KDM4C: variants seen among roughly 807,000 people sequenced by gnomAD.
KDM4C encodes lysine-specific demethylase 4C.
A neutral mutation model predicts 129.3 loss-of-function variants in KDM4C; 81 were observed. The ratio of observed to expected loss-of-function variants is 0.63; its 90% confidence interval spans 0.52 to 0.75. The LOEUF (loss-of-function observed/expected upper bound fraction) is 0.75. Among genes scored for constraint, KDM4C ranks in the 30% least tolerant of loss-of-function variants. The pLI, the probability that KDM4C is intolerant of heterozygous loss-of-function variation, is 0.00. For synonymous variants in KDM4C, 573 were observed against 456.1 expected, an observed-to-expected ratio of 1.26 and a Z score of -3.26; for missense variants, 1,457 against 1,304.0, an observed-to-expected ratio of 1.12 and a Z score of -1.81.
At chr9:6,962,656 GAAA>G (rs1055964269) in intron 8 of KDM4C, among the ~76,000 whole-genome samples, 1 of 150,334 alleles carries the variant, frequency 6.7e-6, no homozygotes, top group African/African-American at 2.4e-5. Flanking sequence ...CATTAGTAGA[GAAA>G]AAAAAAGACA....
chr9:7,005,306 A>G lies in KDM4C; in HGVS notation c.1787-6392A>G, dbSNP rs888104862. ...CAAAGTTAGCCGGGCGTGGTGGCGCATGCCTGTAATCCCAGCTACTCGGGA... is the reference window on the plus strand; with the variant it reads ...CAAAGTTAGCCGGGCGTGGTGGCGCGTGCCTGTAATCCCAGCTACTCGGGA... On this transcript the variant is annotated intron_variant, in intron 12 of 21. Coordinates refer to ENST00000381309, the MANE Select transcript of KDM4C (RefSeq NM_015061.6). 3.9e-5 allele frequency among the ~76,000 whole-genome samples: 6 copies of G among 152,076 alleles called. No individual in the cohort carries two copies. In the East Asian group the frequency reaches 9.7e-4, roughly 25 times the overall value.
chr9:6,848,736 A>G (rs966925771), intron 4 of KDM4C, among the ~76,000 whole-genome samples: 5 of 152,114 alleles, frequency 3.3e-5, no homozygotes, highest in Non-Finnish European at 5.9e-5. Flanking sequence ...CTTAACTCTT[A>G]TAGTAGTGAC....
intron 19 of KDM4C, among the ~76,000 whole-genome samples, chr9:7,157,835 G>A (rs545995727): frequency 1.3e-5 from 2 of 152,232 alleles, no homozygotes; most frequent in South Asian, 4.1e-4. Context: ...TTGTGTCTCT[G>A]CCAGGCTTTG....
chr9:7,101,923 A>G (rs1251027328), intron 17 of KDM4C, among the ~76,000 whole-genome samples: 3 of 152,198 alleles, frequency 2.0e-5, no homozygotes, highest in South Asian at 2.1e-4. Flanking sequence ...TTGCTTTTGT[A>G]TCTGCCATCA....
chr9:6,924,948 G>T (rs1476936434), intron 8 of KDM4C: 9 of 985,020 alleles, frequency 9.1e-6, no homozygotes, highest in East Asian at 2.3e-4. Context: ...TCTGACAGTG[G>T]TTATTTTAAA....
chr9:7,164,599 T>C (rs1844172999), intron 19 of KDM4C, among the ~76,000 whole-genome samples: 1 of 152,108 alleles, frequency 6.6e-6, no homozygotes, highest in Admixed American at 6.6e-5. Flanking sequence ...CCCACCCAGC[T>C]CCACCCGCCG....
chr9:6,822,815 C>G lies in KDM4C; in HGVS notation c.435+8070C>G, dbSNP rs142707274. 2.0e-5 allele frequency among the ~76,000 whole-genome samples: 3 copies of G among 152,358 alleles called. No individual in the cohort carries two copies. The East Asian group carries it at 5.8e-4, about 29-fold the overall frequency. ...AGTCAGCAGATGTCTGTAGAAAAGA[C>G]AGAAGGTATAACATTGCTGAGATGG... On this transcript the variant is annotated intron_variant, in intron 4 of 21. Coordinates refer to ENST00000381309, the MANE Select transcript of KDM4C (RefSeq NM_015061.6).
intron 8 of KDM4C, among the ~76,000 whole-genome samples, chr9:6,966,692 G>A (rs572283221): frequency 1.5e-4 from 23 of 152,102 alleles, no homozygotes; most frequent in African/African-American, 4.6e-4. Context: ...ATGGTATTTA[G>A]TTTTTTGTCA....
At chr9:6,729,928 GGC>G (rs1490651954) in intron 1 of KDM4C, among the ~76,000 whole-genome samples, 3 of 133,750 alleles carry the variant, frequency 2.2e-5, no homozygotes, top group African/African-American at 3.2e-5. Context: ...TGGCCAACAT[GGC>G]GAAAATTAAT....
At chr9:6,910,258 C>T (rs1001138695) in intron 8 of KDM4C, among the ~76,000 whole-genome samples, 12 of 151,974 alleles carry the variant, frequency 7.9e-5, no homozygotes, top group African/African-American at 1.9e-4. Context: ...AAAGAAATTC[C>T]CATTTGTAAT....
At chr9:6,739,308 G>A (rs1354100756) in intron 1 of KDM4C, among the ~76,000 whole-genome samples, 5 of 151,780 alleles carry the variant, frequency 3.3e-5, no homozygotes, top group African/African-American at 1.2e-4. Flanking sequence ...CCTGTCCTCA[G>A]GTGACCTGTC....
At chr9:7,052,909 G>GCGGGAGA (rs767668455) in intron 17 of KDM4C, among the ~76,000 whole-genome samples, 1 of 100,150 alleles carries the variant, frequency 1.0e-5, no homozygotes, top group African/African-American at 4.9e-5. Context: ...GAGCGAGCGA[G>GCGGGAGA]TGCCCAAGGG....
At chr9:7,053,480 T>C (rs894909618) in intron 17 of KDM4C, among the ~76,000 whole-genome samples, 22 of 152,212 alleles carry the variant, frequency 1.4e-4, no homozygotes, top group African/African-American at 4.1e-4. Context: ...AAATGGTGTG[T>C]GCTTCATGGA....
intron 1 of KDM4C, among the ~76,000 whole-genome samples, chr9:6,724,469 A>G (rs1285143170): frequency 6.6e-6 from 1 of 152,186 alleles, no homozygotes; most frequent in Non-Finnish European, 1.5e-5. Context: ...GCGAGCATCC[A>G]TTATTTAATG....
chr9:6,883,612 A>G (rs887587826), intron 6 of KDM4C, among the ~76,000 whole-genome samples: 33 of 152,366 alleles, frequency 2.2e-4, no homozygotes, highest in African/African-American at 7.0e-4. Context: ...CCCAAATAAC[A>G]TAATTCATTT....
intron 8 of KDM4C, among the ~76,000 whole-genome samples, chr9:6,929,638 T>G (rs1288854405): frequency 1.3e-5 from 2 of 152,004 alleles, no homozygotes; most frequent in South Asian, 2.1e-4. Flanking sequence ...CAGCCCAGTT[T>G]TATTGAGGAG....
At chr9:7,106,265 G>C (rs901989445) in intron 18 of KDM4C, among the ~76,000 whole-genome samples, 1 of 152,170 alleles carries the variant, frequency 6.6e-6, no homozygotes, top group Non-Finnish European at 1.5e-5. Flanking sequence ...GAAAAGTTCA[G>C]ATTCAATCAA....
At chr9:7,013,044 A>G (rs1005761739) in intron 13 of KDM4C, among the ~76,000 whole-genome samples, 1 of 152,100 alleles carries the variant, frequency 6.6e-6, no homozygotes. Context: ...TCCTTTAGTC[A>G]TTAAATTTCT....
chr9:6,755,538 ACT>A (rs766729658), upstream of KDM4C, among the ~76,000 whole-genome samples: 26 of 152,284 alleles, frequency 1.7e-4, no homozygotes, highest in Non-Finnish European at 3.5e-4. Context: ...ACAGAGTAAG[ACT>A]CTGTCTCAAA....
Sources: gnomAD v4.1 joint callset for allele counts (sites outside exome capture counted in the v4.1 genomes callset) on GRCh38, gnomAD v4.1.1 for gene constraint, MANE v1.5 for transcripts, NCBI Gene and HGNC (gene_info 2026-07-23, HGNC 2026-07-21) for gene names.